The following RCSD1 variants were observed in gnomAD, a reference collection of about 807,000 sequenced individuals.
RCSD1 encodes the protein capZ-interacting protein.
In RCSD1, 26 loss-of-function variants were observed where a neutral mutation model predicts 42.5. That is an observed-to-expected ratio of 0.61 (90% CI 0.45 to 0.85). The LOEUF (loss-of-function observed/expected upper bound fraction) is 0.85, where lower values mean the gene tolerates loss of function less well. Ranked by LOEUF, RCSD1 falls within the 40% of genes least tolerant of loss-of-function variation. The pLI, the probability that RCSD1 is intolerant of heterozygous loss-of-function variation, is 0.00. For missense variants in RCSD1, 571 were observed against 528.3 expected, an observed-to-expected ratio of 1.08 and a Z score of -0.79; for synonymous variants, 220 against 212.2, an observed-to-expected ratio of 1.04 and a Z score of -0.32.
At chr1:167,665,030 T>C (rs1243904343) in intron 1 of RCSD1, 1 of 145,832 alleles carries the variant, frequency 6.9e-6, no homozygotes, top group Non-Finnish European at 1.5e-5. Flanking sequence ...GAAGTGAGAC[T>C]CTGTGTCACC....
In RCSD1 at chr1:167,689,214, G is replaced by A. The variant is rs937410318; in HGVS notation, c.199-835G>A. Reference sequence around the variant, plus strand: ...GTTAAAAAGAATATTCAGGCTGGGCGTGGTGGCTCACGCCTGTAATCCCAG... The same window carrying A: ...GTTAAAAAGAATATTCAGGCTGGGCATGGTGGCTCACGCCTGTAATCCCAG... On this transcript the variant is annotated intron_variant, in intron 3 of 6. Coordinates refer to ENST00000367854, the MANE Select transcript of RCSD1 (RefSeq NM_052862.4). Among the ~76,000 whole-genome samples the A allele has an allele frequency of 2.6e-5, 4 of 152,274 alleles. No individual in the cohort carries two copies. The South Asian group carries it at 6.2e-4, about 24-fold the overall frequency.
At chr1:167,700,315 T>C (rs191725017) in intron 6 of RCSD1, among the ~76,000 whole-genome samples, 25 of 152,132 alleles carry the variant, frequency 1.6e-4, no homozygotes, top group African/African-American at 5.8e-4. Flanking sequence ...GACCCCTGGG[T>C]TAAGTTGTTA....
chr1:167,638,236 T>C (rs1294690953), intron 1 of RCSD1, among the ~76,000 whole-genome samples: 1 of 152,192 alleles, frequency 6.6e-6, no homozygotes, highest in African/African-American at 2.4e-5. Flanking sequence ...AATGGGAAAT[T>C]CATTTCTGAG....
intron 4 of RCSD1, 125 bp downstream of exon 4, chr1:167,690,245 CA>C (rs1321827430): frequency 2.6e-6 from 2 of 777,098 alleles, no homozygotes; most frequent in Non-Finnish European, 4.2e-6. Flanking sequence ...CCCCAATAAT[CA>C]GCCAGTGATC....
At chr1:167,646,924 G>A (rs1199441661) in intron 1 of RCSD1, among the ~76,000 whole-genome samples, 2 of 152,204 alleles carry the variant, frequency 1.3e-5, no homozygotes, top group African/African-American at 4.8e-5. Flanking sequence ...GAGGCCAGGA[G>A]TTCAAGGCCA....
chr1:167,675,207 GA>G (rs34426324), intron 1 of RCSD1, among the ~76,000 whole-genome samples: 5,492 of 49,154 alleles, frequency 0.11, 58 homozygotes, highest in Non-Finnish European at 0.13. Context: ...CTCCATCTCG[GA>G]AAAAAAAAAA....
chr1:167,653,256 G>A (rs1264222715), intron 1 of RCSD1, among the ~76,000 whole-genome samples: 1 of 152,154 alleles, frequency 6.6e-6, no homozygotes, highest in East Asian at 1.9e-4. Flanking sequence ...ATCTCCTTTA[G>A]TTGCTTTCTG....
Position 167,656,736 on chromosome 1 carries a change from T to C in RCSD1, c.6+26307T>C, listed in dbSNP as rs529810218. Among the ~76,000 whole-genome samples the C allele has an allele frequency of 5.3e-5, 8 of 152,240 alleles. No homozygotes were observed. In the East Asian group the frequency reaches 1.5e-3, roughly 29 times the overall value. On this transcript the variant is annotated intron_variant, in intron 1 of 6. Coordinates refer to ENST00000367854, the MANE Select transcript of RCSD1 (RefSeq NM_052862.4). ...TAAAGGCACTGGAGTTAGCAACGCC[T>C]CCTCTAAATGATGGGAGAGGGAGGC...
At chr1:167,630,687 G>C (rs12751582) in intron 1 of RCSD1, 7 of 152,478 alleles carry the variant, frequency 4.6e-5, no homozygotes, top group Non-Finnish European at 9.0e-5. Context: ...GGCTTTCCTA[G>C]AGGCCCGGGT....
chr1:167,646,498 T>TA (rs1658150424), intron 1 of RCSD1, among the ~76,000 whole-genome samples: 2 of 122,630 alleles, frequency 1.6e-5, no homozygotes, highest in South Asian at 2.6e-4. Context: ...GTGTGAGACT[T>TA]AGAGTTTTTT....
At chr1:167,680,190 G>C (rs1429410651) in intron 1 of RCSD1, among the ~76,000 whole-genome samples, 2 of 152,040 alleles carry the variant, frequency 1.3e-5, no homozygotes, top group African/African-American at 4.8e-5. Context: ...AGGGCACAAA[G>C]GGAGATGAGT....
Position 167,696,169 on chromosome 1 carries a change from G to A in RCSD1, c.475-930G>A, listed in dbSNP as rs185536900. Among the ~76,000 whole-genome samples, 953 of 152,028 alleles carry A rather than the reference G, an allele frequency of 6.3e-3. 38 individuals carry two copies. The highest frequency in any genetic ancestry group is 0.057 in the Admixed American group (876 of 15,274). ...GAGGTCCCTGCACCAGGGCCTGGCC[G>A]TCAGCAGGTCTCTAACCCTCTTCTC... On this transcript the variant is annotated intron_variant, in intron 5 of 6. Coordinates refer to ENST00000367854, the MANE Select transcript of RCSD1 (RefSeq NM_052862.4).
At chr1:167,642,779 T>C (rs747041028) in intron 1 of RCSD1, among the ~76,000 whole-genome samples, 4 of 152,218 alleles carry the variant, frequency 2.6e-5, no homozygotes, top group Admixed American at 2.0e-4. Flanking sequence ...TGCAGTTATA[T>C]AACACTTAGA....
At chr1:167,700,158 A>G (rs1571110337) in intron 6 of RCSD1, among the ~76,000 whole-genome samples, 1 of 152,216 alleles carries the variant, frequency 6.6e-6, no homozygotes, top group Non-Finnish European at 1.5e-5. Context: ...TGTCTGACCC[A>G]AAAGAAATAA....
At chr1:167,644,954 A>G (rs185916452) in intron 1 of RCSD1, among the ~76,000 whole-genome samples, 2 of 152,320 alleles carry the variant, frequency 1.3e-5, no homozygotes, top group Non-Finnish European at 2.9e-5. Flanking sequence ...TTTTGACAAG[A>G]TGTATTCAGT....
intron 1 of RCSD1, chr1:167,633,799 G>T (rs750444561): frequency 6.6e-6 from 1 of 152,222 alleles, no homozygotes; most frequent in African/African-American, 2.4e-5. Flanking sequence ...AGTGAGCAAG[G>T]GAACCAGGTG....
chr1:167,689,835 A>C (rs2101714226), intron 3 of RCSD1, among the ~76,000 whole-genome samples: 1 of 152,238 alleles, frequency 6.6e-6, no homozygotes, highest in Middle Eastern at 3.4e-3. Flanking sequence ...GACTTCTCTA[A>C]TTCTGATTTG....
intron 1 of RCSD1, chr1:167,640,679 T>C (rs555948840): frequency 6.6e-6 from 1 of 152,272 alleles, no homozygotes; most frequent in African/African-American, 2.4e-5. Context: ...TCCTCCTGAG[T>C]AGCTGGACTA....
chr1:167,663,585 T>C (rs1229371), intron 1 of RCSD1: 50,059 of 152,252 alleles, frequency 0.33, 8,698 homozygotes, highest in Middle Eastern at 0.37. Flanking sequence ...CAGCTTGCTC[T>C]TGTGGTTCCA....
Sources: gnomAD v4.1 joint callset for allele counts (sites outside exome capture counted in the v4.1 genomes callset) on GRCh38, gnomAD v4.1.1 for gene constraint, MANE v1.5 for transcripts, NCBI Gene and HGNC (gene_info 2026-07-23, HGNC 2026-07-21) for gene names.